Variants in PTPRA observed in about 807,000 individuals in gnomAD.
PTPRA encodes the protein protein tyrosine phosphatase receptor type A.
In PTPRA, 25 loss-of-function variants were observed where a neutral mutation model predicts 104.8. The observed-to-expected ratio is 0.24, with a 90% CI of 0.17 to 0.33. The LOEUF is 0.33. Among genes scored for constraint, PTPRA ranks in the 10% least tolerant of loss-of-function variants. The pLI is 1.00. For missense variants in PTPRA, 765 were observed against 1,015.3 expected, an observed-to-expected ratio of 0.75 and a Z score of 3.35; for synonymous variants, 323 against 368.9, an observed-to-expected ratio of 0.88 and a Z score of 1.43.
In PTPRA at chr20:3,027,849, C is replaced by G. The variant is rs1297719964; in HGVS notation, c.1920+8C>G. On this transcript the variant is annotated splice_region_variant and intron_variant, in intron 20 of 23. Transcript: ENST00000399903. ...CTGGAGGAGAGAGGCCAGGTGAGTTCAAAAGGTCCTGGGTGGTGAGAGACA... is the reference window on the plus strand; with the variant it reads ...CTGGAGGAGAGAGGCCAGGTGAGTTGAAAAGGTCCTGGGTGGTGAGAGACA... 6.2e-7 allele frequency: 1 copy of G among 1,613,664 alleles called. No homozygotes were observed. The highest frequency in any genetic ancestry group is 1.1e-5 in the South Asian group (1 of 91,022).
At chr20:2,940,709 T>C (rs1306125231) in intron 2 of PTPRA, among the ~76,000 whole-genome samples, 1 of 152,184 alleles carries the variant, frequency 6.6e-6, no homozygotes, top group East Asian at 1.9e-4. Context: ...AAAAAAGAAA[T>C]TATATGAAAT....
intron 2 of PTPRA, among the ~76,000 whole-genome samples, chr20:2,935,253 C>T (rs2060648931): frequency 6.6e-6 from 1 of 152,110 alleles, no homozygotes; most frequent in Non-Finnish European, 1.5e-5. Flanking sequence ...ATTTGTCTTT[C>T]TATGTCTGGC....
chr20:3,016,527 C>T lies in PTPRA; in HGVS notation c.943+642C>T, dbSNP rs560160834. Among the ~76,000 whole-genome samples the T allele has an allele frequency of 2.0e-5, 3 of 152,318 alleles. No homozygotes were observed. The East Asian group carries it at 5.8e-4, about 29-fold the overall frequency. On this transcript the variant is annotated intron_variant, in intron 12 of 23. Transcript: ENST00000399903. The stretch of plus-strand genomic sequence containing the variant: ...CTTTGGGAGGCCAAGACAGGAGGAT[C>T]GTTTGAGCCCAGGAGTTCAAGATCA...
intron 12 of PTPRA, among the ~76,000 whole-genome samples, chr20:3,016,208 C>T (rs1457825374): frequency 6.6e-6 from 1 of 152,146 alleles, no homozygotes; most frequent in Non-Finnish European, 1.5e-5. Context: ...CCAGGCTGCT[C>T]AGAGTTTGAA....
chr20:3,021,390 C>T lies in PTPRA; in HGVS notation c.1123C>T (p.Leu375=). The T allele has an allele frequency of 1.9e-6, 3 of 1,614,114 alleles. No individual in the cohort carries two copies. Among genetic ancestry groups the T allele is most frequent in the Non-Finnish European group, 2.5e-6 (3 of 1,179,974 alleles). Residue 375 remains leucine (L), a synonymous_variant, in exon 14 of 24, where the codon CTG becomes TTG. Transcript: ENST00000399903. ...GGTGTCTGTAGAGGATGTGACTGTC[C>T]TGGTGGACTACACAGTACGGAAGTT... ...IRVSVEDVTV[L]VDYTVRKFCI...
intron 10 of PTPRA, among the ~76,000 whole-genome samples, chr20:3,006,233 A>C (rs1456123694): frequency 6.6e-6 from 1 of 152,148 alleles, no homozygotes; most frequent in Middle Eastern, 3.2e-3. Flanking sequence ...GGGCCACCCA[A>C]GCTGGGGTGC....
intron 2 of PTPRA, among the ~76,000 whole-genome samples, chr20:2,946,120 G>A (rs1432911216): frequency 2.6e-5 from 4 of 152,132 alleles, no homozygotes; most frequent in South Asian, 4.1e-4. Context: ...TTTTGTTTAA[G>A]CCAAAAACTA....
chr20:2,995,550 G>C (rs2063364139), intron 9 of PTPRA, among the ~76,000 whole-genome samples: 1 of 152,184 alleles, frequency 6.6e-6, no homozygotes, highest in Non-Finnish European at 1.5e-5. Context: ...GCAGTAGAGA[G>C]CATAATAGAG....
rs2059983739 is a variant in PTPRA at position 2,918,336 on chromosome 20, C to A, written c.-128-4871C>A. Among the ~76,000 whole-genome samples the A allele has an allele frequency of 2.0e-5, 3 of 152,086 alleles. No homozygotes were observed. In the South Asian group the frequency reaches 6.2e-4, roughly 32 times the overall value. On this transcript the variant is annotated intron_variant, in intron 1 of 23. Coordinates refer to ENST00000399903, the MANE Select transcript of PTPRA (RefSeq NM_001385305.1). ...CGGCTACATACTCACTTATAAAACT[C>A]TATTTTTAAATGACAGCTCCTCTTT...
chr20:2,979,105 G>A (rs1023804550), intron 6 of PTPRA, among the ~76,000 whole-genome samples: 2 of 152,182 alleles, frequency 1.3e-5, no homozygotes, highest in Non-Finnish European at 2.9e-5. Flanking sequence ...TAGTAAGTTA[G>A]GATAGTAGGA....
chr20:2,940,480 T>A (rs2060871058), intron 2 of PTPRA, among the ~76,000 whole-genome samples: 1 of 152,170 alleles, frequency 6.6e-6, no homozygotes, highest in South Asian at 2.1e-4. Flanking sequence ...TTATCTACTT[T>A]TAGAACAAGG....
chr20:3,017,604 C>T (rs530040601), intron 12 of PTPRA, among the ~76,000 whole-genome samples: 2 of 152,314 alleles, frequency 1.3e-5, no homozygotes, highest in South Asian at 4.1e-4. Flanking sequence ...CAGCCTTCCA[C>T]CCAGCCCCAT....
At chr20:3,017,710 G>C in intron 12 of PTPRA, 106 bp from the exon 13 acceptor site, 4 of 865,350 alleles carry the variant, frequency 4.6e-6, no homozygotes, top group Non-Finnish European at 7.6e-6. Flanking sequence ...TTTAGCTGGG[G>C]ACATTTGGGC....
At chr20:2,942,950 A>G (rs1039630245) in intron 2 of PTPRA, among the ~76,000 whole-genome samples, 7 of 151,962 alleles carry the variant, frequency 4.6e-5, no homozygotes, top group East Asian at 3.9e-4. Context: ...AAAATTAACA[A>G]TAACTAATAA....
intron 1 of PTPRA, among the ~76,000 whole-genome samples, chr20:2,909,977 C>A (rs186490123): frequency 0.018 from 1,925 of 109,864 alleles, 79 homozygotes; most frequent in Admixed American, 0.09. Flanking sequence ...TATATATAAT[C>A]TATCATATAT....
intron 2 of PTPRA, among the ~76,000 whole-genome samples, chr20:2,927,187 C>T (rs906755256): frequency 3.3e-5 from 5 of 152,130 alleles, no homozygotes; most frequent in Admixed American, 6.5e-5. Context: ...GGATTACAGT[C>T]GTGAGTGCCG....
chr20:2,889,532 C>G (rs114311004), intron 1 of PTPRA, among the ~76,000 whole-genome samples: 2,190 of 152,252 alleles, frequency 0.014, 60 homozygotes, highest in African/African-American at 0.049. Flanking sequence ...ATCTGAATTA[C>G]CAACATTTAA....
chr20:2,870,712 TC>T (rs1355709778), upstream of PTPRA, among the ~76,000 whole-genome samples: 3 of 152,176 alleles, frequency 2.0e-5, no homozygotes, highest in Non-Finnish European at 4.4e-5. Flanking sequence ...AGGAGTCCTT[TC>T]CCCCCATCCT....
intron 3 of PTPRA, among the ~76,000 whole-genome samples, chr20:2,961,207 A>G (rs144930075): frequency 1.8e-4 from 27 of 152,316 alleles, no homozygotes; most frequent in Middle Eastern, 6.8e-3. Context: ...GAGACTACCA[A>G]GCTGCCTTCC....
Sources: allele counts gnomAD v4.1 joint callset (sites outside exome capture counted in the v4.1 genomes callset), GRCh38; gene constraint gnomAD v4.1.1; transcripts MANE v1.5; gene names NCBI Gene and HGNC (gene_info 2026-07-23, HGNC 2026-07-21).